RAB30: variants seen among roughly 807,000 people sequenced by gnomAD.
RAB30 encodes RAB30, member RAS oncogene family.
Under a neutral mutation model 25.1 loss-of-function variants are expected in RAB30, and 9 were observed. That is an observed-to-expected ratio of 0.36 (90% CI 0.22 to 0.63). The LOEUF is 0.63. Ranked by LOEUF, RAB30 falls within the 20% of genes least tolerant of loss-of-function variation. The pLI is 0.69. For synonymous variants in RAB30, 77 were observed against 86.4 expected (o/e 0.89, Z 0.60); for missense variants, 140 against 243.5 (o/e 0.58, Z 2.83).
chr11:83,052,203 T>C (rs990536929), intron 1 of RAB30, among the ~76,000 whole-genome samples: 1 of 152,196 alleles, frequency 6.6e-6, no homozygotes, highest in Non-Finnish European at 1.5e-5. Context: ...TACAGGCTTG[T>C]TATAAAGCCC....
At chr11:83,059,063 C>G (rs532187928) in intron 1 of RAB30, among the ~76,000 whole-genome samples, 1 of 152,210 alleles carries the variant, frequency 6.6e-6, no homozygotes, top group Non-Finnish European at 1.5e-5. Context: ...CTGCCTCAGC[C>G]TCCCAAGTAG....
chr11:83,059,142 A>G (rs1410180979), intron 1 of RAB30, among the ~76,000 whole-genome samples: 1 of 152,118 alleles, frequency 6.6e-6, no homozygotes, highest in East Asian at 1.9e-4. Context: ...GGATTTTGCC[A>G]TGATGCCTAA....
At chr11:83,017,785 G>A (rs1246647122) in intron 1 of RAB30, among the ~76,000 whole-genome samples, 1 of 152,082 alleles carries the variant, frequency 6.6e-6, no homozygotes, top group Non-Finnish European at 1.5e-5. Flanking sequence ...TTGGTTGATG[G>A]GCATTTAAGC....
intron 4 of RAB30, among the ~76,000 whole-genome samples, 178 bp from the exon 5 acceptor site, chr11:82,982,593 G>A (rs1025729337): frequency 6.6e-6 from 1 of 152,220 alleles, no homozygotes; most frequent in African/African-American, 2.4e-5. Flanking sequence ...GCTGGGCGCA[G>A]TGGCTCACAC....
At chr11:83,009,721 G>A (rs1019367060) in intron 1 of RAB30, among the ~76,000 whole-genome samples, 1 of 152,110 alleles carries the variant, frequency 6.6e-6, no homozygotes, top group Admixed American at 6.5e-5. Flanking sequence ...ACCTACTGAA[G>A]GCAGGAATGG....
chr11:82,976,225 C>G lies in RAB30; in HGVS notation c.*5940G>C, dbSNP rs1485069354. 1 of 152,244 alleles carries G rather than the reference C, an allele frequency of 6.6e-6. No individual in the cohort carries two copies. The highest frequency in any genetic ancestry group is 1.5e-5 in the Non-Finnish European group (1 of 68,034). The allele number at this position is 152,244 out of a possible 1,614,324, so 9.4% of individuals were successfully genotyped here. ...TTGTTTTGTCTCTTAAGGATCTACA[C>G]TTGGCATCAGACCATTCAAAGTCTG... On this transcript the variant is annotated 3_prime_UTR_variant, in exon 5 of 5. Transcript: ENST00000527633.
intron 1 of RAB30, among the ~76,000 whole-genome samples, chr11:83,051,239 A>G (rs549065725): frequency 3.5e-4 from 54 of 152,178 alleles, no homozygotes; most frequent in Non-Finnish European, 6.9e-4. Context: ...GGTGCCCGAA[A>G]CATTAAAGGC....
At chr11:83,052,444 AGAG>A (rs1213046963) in intron 1 of RAB30, among the ~76,000 whole-genome samples, 5 of 152,220 alleles carry the variant, frequency 3.3e-5, no homozygotes, top group Admixed American at 2.0e-4. Context: ...TGGCCTGGCT[AGAG>A]GAGACTTTTC....
intron 3 of RAB30, among the ~76,000 whole-genome samples, chr11:82,993,795 A>G (rs564731397): frequency 5.0e-4 from 76 of 152,350 alleles, no homozygotes; most frequent in African/African-American, 1.8e-3. Context: ...TTGTGACATG[A>G]CAGGAGACAG....
intron 1 of RAB30, among the ~76,000 whole-genome samples, chr11:83,045,184 T>G (rs1159920692): frequency 6.6e-6 from 1 of 152,054 alleles, no homozygotes; most frequent in African/African-American, 2.4e-5. Context: ...AAGGGTGGAT[T>G]ACTCATTTAT....
intron 1 of RAB30, among the ~76,000 whole-genome samples, chr11:83,041,855 A>G (rs1858124510): frequency 6.6e-6 from 1 of 152,066 alleles, no homozygotes; most frequent in Admixed American, 6.5e-5. Context: ...CAGCCTGGCC[A>G]ACATGGTGAA....
At chr11:83,066,765 T>C (rs1011601895) in intron 1 of RAB30, among the ~76,000 whole-genome samples, 20 of 152,212 alleles carry the variant, frequency 1.3e-4, no homozygotes, top group African/African-American at 4.3e-4. Flanking sequence ...TTGGCCACGC[T>C]GGCCTTGAAC....
intron 1 of RAB30, among the ~76,000 whole-genome samples, chr11:83,057,564 C>T (rs1156901672): frequency 1.3e-5 from 2 of 152,142 alleles, no homozygotes; most frequent in African/African-American, 2.4e-5. Context: ...AGAAACTGGG[C>T]GTTGGGTTGA....
At chr11:83,027,401 G>A (rs1028219009) in intron 1 of RAB30, among the ~76,000 whole-genome samples, 3 of 152,048 alleles carry the variant, frequency 2.0e-5, no homozygotes, top group Admixed American at 1.3e-4. Context: ...TTCTTCTCCC[G>A]AGTACCAAAA....
intron 1 of RAB30, among the ~76,000 whole-genome samples, chr11:83,008,315 G>A (rs949495618): frequency 2.7e-4 from 41 of 152,280 alleles, no homozygotes; most frequent in African/African-American, 9.6e-4. Context: ...TCCTTCAGCT[G>A]TTCAGATTCC....
chr11:83,027,833 T>C (rs537190445), intron 1 of RAB30, among the ~76,000 whole-genome samples: 1 of 152,316 alleles, frequency 6.6e-6, no homozygotes, highest in Non-Finnish European at 1.5e-5. Context: ...CGCAAGTAAC[T>C]ACTAATCTAT....
intron 1 of RAB30, chr11:83,041,481 T>G (rs1188473031): frequency 3.2e-5 from 7 of 221,372 alleles, no homozygotes; most frequent in Admixed American, 8.5e-5. Flanking sequence ...TCCAAGGTCC[T>G]TTAGAGCAAC....
chr11:82,997,381 C>T, intron 1 of RAB30, 57 bp from the exon 2 acceptor site: 1 of 1,239,296 alleles, frequency 8.1e-7, no homozygotes, highest in Middle Eastern at 1.9e-4. Context: ...GCCCACAGAG[C>T]TCAAGCTGCA....
At chr11:83,020,006 A>G (rs1176143167) in intron 1 of RAB30, among the ~76,000 whole-genome samples, 3 of 152,240 alleles carry the variant, frequency 2.0e-5, no homozygotes, top group African/African-American at 7.2e-5. Flanking sequence ...CGTGGCCAGG[A>G]CTGCATGTTC....
Sources: gnomAD v4.1 joint callset for allele counts (sites outside exome capture counted in the v4.1 genomes callset) on GRCh38, gnomAD v4.1.1 for gene constraint, MANE v1.5 for transcripts, NCBI Gene and HGNC (gene_info 2026-07-23, HGNC 2026-07-21) for gene names.